ZNF536: variants seen among roughly 807,000 people sequenced by gnomAD.
The protein encoded by ZNF536 is zinc finger protein 536.
Under a neutral mutation model 84.5 loss-of-function variants are expected in ZNF536, and 13 were observed. The ratio of observed to expected loss-of-function variants is 0.15; its 90% CI spans 0.10 to 0.24. ZNF536 has a LOEUF of 0.24. ZNF536 is among the 10% of genes least tolerant of loss of function. The pLI, the probability that ZNF536 is intolerant of heterozygous loss-of-function variation, is 1.00. For synonymous variants in ZNF536, 811 were observed against 742.5 expected (o/e 1.09, Z -1.50); for missense variants, 1,536 against 1,747.5 (o/e 0.88, Z 2.16).
At chr19:30,576,989 T>G (rs1549936) in intron 1 of ZNF536, among the ~76,000 whole-genome samples, 4,292 of 152,338 alleles carry the variant, frequency 0.028, 203 homozygotes, top group African/African-American at 0.098. Flanking sequence ...TTGAAGTCTG[T>G]TTTTTGTTGT....
downstream of ZNF536, among the ~76,000 whole-genome samples, chr19:30,559,664 A>G (rs11667331): frequency 0.11 from 17,056 of 152,172 alleles, 1,191 homozygotes; most frequent in Non-Finnish European, 0.16. Flanking sequence ...TATAGATGGC[A>G]TGTGGGGGGC....
chr19:30,637,605 G>A (rs1242319520), intron 1 of ZNF536, among the ~76,000 whole-genome samples: 4 of 152,196 alleles, frequency 2.6e-5, no homozygotes, highest in Non-Finnish European at 4.4e-5. Flanking sequence ...GACTTTTGGA[G>A]TTTCCATCTA....
chr19:30,590,094 G>T (rs972029403), intron 1 of ZNF536, among the ~76,000 whole-genome samples: 1 of 152,206 alleles, frequency 6.6e-6, no homozygotes, highest in African/African-American at 2.4e-5. Context: ...CTGGGCCTGT[G>T]CCTCCTTCTC....
chr19:30,426,249 T>A (rs978682063), intron 1 of ZNF536, among the ~76,000 whole-genome samples: 1 of 152,232 alleles, frequency 6.6e-6, no homozygotes, highest in Non-Finnish European at 1.5e-5. Flanking sequence ...TGTTTATGAG[T>A]AATTAGCCAC....
intron 1 of ZNF536, among the ~76,000 whole-genome samples, chr19:30,625,584 G>A (rs944486463): frequency 1.3e-5 from 2 of 152,240 alleles, no homozygotes; most frequent in African/African-American, 2.4e-5. Flanking sequence ...TGAAGAAGCA[G>A]TGTCAGATAG....
chr19:30,509,726 TCAGTA>T (rs927840006), intron 2 of ZNF536, among the ~76,000 whole-genome samples: 16 of 152,196 alleles, frequency 1.1e-4, no homozygotes, highest in African/African-American at 3.6e-4. Flanking sequence ...AATCCCACAA[TCAGTA>T]CACTTTTCTT....
intron 2 of ZNF536, among the ~76,000 whole-genome samples, chr19:30,337,035 G>A (rs2047404348): frequency 6.6e-6 from 1 of 151,886 alleles, no homozygotes; most frequent in Non-Finnish European, 1.5e-5. Context: ...TGCAACATGG[G>A]CTATCTCTTG....
In ZNF536 at chr19:30,463,326, T is replaced by C. The variant is rs138729454; in HGVS notation, c.2170+17594T>C. 3.1e-3 allele frequency among the ~76,000 whole-genome samples: 470 copies of C among 152,280 alleles called. 2 individuals carry two copies. The highest frequency in any genetic ancestry group is 0.011 in the African/African-American group (444 of 41,562). On this transcript the variant is annotated intron_variant, in intron 2 of 4. Transcript: ENST00000355537. ...TAGAGGGGTCTTCCCTCCCTAATGC[T>C]GGCTCAGCCTCAGGTGGAAGATCTG...
intron 2 of ZNF536, among the ~76,000 whole-genome samples, chr19:30,344,471 G>A (rs1271163366): frequency 1.4e-5 from 2 of 143,184 alleles, no homozygotes; most frequent in African/African-American, 5.2e-5. Context: ...AGACAAGGAT[G>A]CTGTCACCCA....
At chr19:30,564,151 G>A (rs1054217118) in intron 1 of ZNF536, among the ~76,000 whole-genome samples, 7 of 152,158 alleles carry the variant, frequency 4.6e-5, no homozygotes, top group African/African-American at 1.7e-4. Context: ...GGATTAAAGA[G>A]AACCTGGAGA....
At chr19:30,650,343 G>A (rs2049654120) in intron 1 of ZNF536, among the ~76,000 whole-genome samples, 1 of 152,200 alleles carries the variant, frequency 6.6e-6, no homozygotes, top group Non-Finnish European at 1.5e-5. Context: ...ACCATATGAA[G>A]CTCTGAGGGG....
At chr19:30,508,608 C>G (rs1323832994) in intron 2 of ZNF536, among the ~76,000 whole-genome samples, 1 of 151,860 alleles carries the variant, frequency 6.6e-6, no homozygotes, top group Non-Finnish European at 1.5e-5. Context: ...GCAGGGAGCC[C>G]TGGTTTAATT....
At chr19:30,682,279 G>A (rs573385855) in intron 1 of ZNF536, among the ~76,000 whole-genome samples, 6 of 152,280 alleles carry the variant, frequency 3.9e-5, no homozygotes, top group East Asian at 1.9e-4. Flanking sequence ...AAGCTGCTGC[G>A]TGCTGAGGAC....
intron 1 of ZNF536, among the ~76,000 whole-genome samples, chr19:30,423,693 C>G (rs879685085): frequency 5.9e-5 from 9 of 152,238 alleles, no homozygotes; most frequent in Non-Finnish European, 1.0e-4. Flanking sequence ...AATGTGTCCC[C>G]AGCCGCTGAG....
At chr19:30,379,922 C>T (rs905237955) in intron 1 of ZNF536, among the ~76,000 whole-genome samples, 7 of 152,088 alleles carry the variant, frequency 4.6e-5, no homozygotes, top group Non-Finnish European at 7.4e-5. Flanking sequence ...GAAGTCCTGG[C>T]GAAGGAGCTG....
intron 1 of ZNF536, among the ~76,000 whole-genome samples, chr19:30,680,572 G>A (rs1295882993): frequency 4.6e-5 from 7 of 152,126 alleles, no homozygotes; most frequent in African/African-American, 1.7e-4. Context: ...TCCCTACAAA[G>A]GACATGAACT....
intron 1 of ZNF536, among the ~76,000 whole-genome samples, chr19:30,438,716 G>A (rs1016785907): frequency 1.3e-5 from 2 of 151,984 alleles, no homozygotes; most frequent in Non-Finnish European, 2.9e-5. Flanking sequence ...CATTCCCATC[G>A]CCCAGGCTGA....
At chr19:30,354,871 G>A (rs1337138928) in intron 3 of ZNF536, among the ~76,000 whole-genome samples, 3 of 152,206 alleles carry the variant, frequency 2.0e-5, no homozygotes, top group African/African-American at 7.2e-5. Flanking sequence ...GCCCCAGGTA[G>A]TCTGGACCTT....
intron 1 of ZNF536, among the ~76,000 whole-genome samples, chr19:30,385,606 C>G (rs888036569): frequency 6.6e-6 from 1 of 152,198 alleles, no homozygotes; most frequent in Non-Finnish European, 1.5e-5. Flanking sequence ...CCCAGGCATC[C>G]TTCTCCTTCT....
Sources: gnomAD v4.1 joint callset for allele counts (sites outside exome capture counted in the v4.1 genomes callset) on GRCh38, gnomAD v4.1.1 for gene constraint, MANE v1.5 for transcripts, NCBI Gene and HGNC (gene_info 2026-07-23, HGNC 2026-07-21) for gene names.